Variants in SPAG16 observed in about 807,000 individuals in gnomAD.
SPAG16 encodes the protein sperm-associated antigen 16 protein.
Under a neutral mutation model 80.4 loss-of-function variants are expected in SPAG16, and 86 were observed. The ratio of observed to expected loss-of-function variants is 1.07; its 90% CI spans 0.90 to 1.28. The LOEUF is 1.28. Ranked by LOEUF, SPAG16 falls within the 50% of genes most tolerant of loss-of-function variation. SPAG16 has a pLI of 0.00. For synonymous variants in SPAG16, 294 were observed against 265.9 expected (o/e 1.11, Z -1.03); for missense variants, 870 against 765.3 (o/e 1.14, Z -1.61).
chr2:213,964,934 A>C (rs1431997963), intron 12 of SPAG16, among the ~76,000 whole-genome samples: 1 of 152,182 alleles, frequency 6.6e-6, no homozygotes, highest in Non-Finnish European at 1.5e-5. Context: ...GTTTTTATTT[A>C]TAATATCTCC....
chr2:213,918,271 T>C (rs371288177), intron 11 of SPAG16, among the ~76,000 whole-genome samples: 85 of 152,258 alleles, frequency 5.6e-4, no homozygotes, highest in African/African-American at 1.8e-3. Context: ...GTCAGGAAAA[T>C]AGTGGCCTCA....
At position 213,540,222 on chromosome 2, in the gene SPAG16, T is replaced by TC. The variant is rs543330947; in HGVS notation, c.1070+50132_1070+50133insC. ...GCTAATTTTTATTTTTTTATTTTTTTTGTATTTTTAGTAGAGACGGGGTTT... is the reference window on the plus strand; with the variant it reads ...GCTAATTTTTATTTTTTTATTTTTTTCTGTATTTTTAGTAGAGACGGGGTTT... On this transcript the variant is annotated intron_variant, in intron 10 of 15. Transcript: ENST00000331683. Among the ~76,000 whole-genome samples, 943 of 151,680 alleles carry TC rather than the reference T, an allele frequency of 6.2e-3. 19 individuals carry two copies. The highest frequency in any genetic ancestry group is 0.022 in the African/African-American group (891 of 41,374).
chr2:214,127,325 G>C (rs2054542838), intron 14 of SPAG16, among the ~76,000 whole-genome samples: 1 of 151,660 alleles, frequency 6.6e-6, no homozygotes, highest in Non-Finnish European at 1.5e-5. Flanking sequence ...TACTCTTCAG[G>C]GGGTCCAGTG....
chr2:214,374,178 A>G (rs1699987609), intron 15 of SPAG16, among the ~76,000 whole-genome samples: 1 of 152,234 alleles, frequency 6.6e-6, no homozygotes, highest in Non-Finnish European at 1.5e-5. Context: ...GGCAACTTGT[A>G]AACACTGCCT....
At chr2:213,679,329 AG>A (rs1434412625) in intron 10 of SPAG16, among the ~76,000 whole-genome samples, 1 of 152,216 alleles carries the variant, frequency 6.6e-6, no homozygotes, top group Non-Finnish European at 1.5e-5. Flanking sequence ...GGTATTTCCA[AG>A]AACCAGATAA....
intron 9 of SPAG16, among the ~76,000 whole-genome samples, chr2:213,464,515 A>C (rs897258632): frequency 2.0e-5 from 3 of 152,050 alleles, no homozygotes; most frequent in Non-Finnish European, 2.9e-5. Context: ...TACTTCTATC[A>C]CCTCAGAGAC....
At chr2:213,611,939 ATATTTTT>A (rs2061451012) in intron 10 of SPAG16, among the ~76,000 whole-genome samples, 1 of 152,208 alleles carries the variant, frequency 6.6e-6, no homozygotes, top group Admixed American at 6.5e-5. Flanking sequence ...TCCACAATCA[ATATTTTT>A]TATGGGTGGA....
At chr2:213,885,727 T>C (rs1356053684) in intron 11 of SPAG16, among the ~76,000 whole-genome samples, 1 of 152,172 alleles carries the variant, frequency 6.6e-6, no homozygotes, top group African/African-American at 2.4e-5. Context: ...CCTTCCATCA[T>C]TTACAACGTT....
intron 8 of SPAG16, among the ~76,000 whole-genome samples, chr2:213,371,956 G>C (rs543214977): frequency 1.1e-4 from 16 of 152,042 alleles, no homozygotes; most frequent in African/African-American, 3.1e-4. Flanking sequence ...CTTTATGGTA[G>C]GTCAAAAGTA....
intron 7 of SPAG16, among the ~76,000 whole-genome samples, chr2:213,362,025 A>G (rs1467245003): frequency 1.3e-5 from 2 of 152,130 alleles, no homozygotes; most frequent in African/African-American, 4.8e-5. Flanking sequence ...TGAATCTCCC[A>G]TCAGTACCAG....
At chr2:213,576,989 G>A (rs1180709249) in intron 10 of SPAG16, among the ~76,000 whole-genome samples, 1 of 152,024 alleles carries the variant, frequency 6.6e-6, no homozygotes, top group East Asian at 1.9e-4. Context: ...CTGAGGGTTT[G>A]TTGTACATAT....
intron 10 of SPAG16, among the ~76,000 whole-genome samples, chr2:213,850,246 T>C (rs2074833904): frequency 6.6e-6 from 1 of 152,196 alleles, no homozygotes; most frequent in African/African-American, 2.4e-5. Flanking sequence ...ATTGTGTGGA[T>C]TGTCGGAAAA....
chr2:214,023,593 G>T (rs908243355), intron 13 of SPAG16, among the ~76,000 whole-genome samples: 2 of 151,608 alleles, frequency 1.3e-5, no homozygotes, highest in African/African-American at 4.8e-5. Flanking sequence ...TAATCCAATT[G>T]TTTGAAAATT....
chr2:214,000,882 G>A (rs528499005), intron 12 of SPAG16, among the ~76,000 whole-genome samples: 3 of 151,936 alleles, frequency 2.0e-5, no homozygotes, highest in East Asian at 1.9e-4. Context: ...AAGCGTTTTC[G>A]CCTTCATTTC....
At chr2:214,400,176 C>G (rs754676869) in intron 15 of SPAG16, among the ~76,000 whole-genome samples, 6 of 152,022 alleles carry the variant, frequency 3.9e-5, no homozygotes, top group Non-Finnish European at 7.4e-5. Context: ...AAACTCCACA[C>G]AGGCCAAAAG....
intron 10 of SPAG16, among the ~76,000 whole-genome samples, chr2:213,654,879 A>T (rs1266941008): frequency 6.6e-6 from 1 of 152,246 alleles, no homozygotes; most frequent in Admixed American, 6.5e-5. Flanking sequence ...TAAAAATTTT[A>T]GCAGTTAAGG....
intron 10 of SPAG16, among the ~76,000 whole-genome samples, chr2:213,491,978 G>T (rs2074251665): frequency 6.6e-6 from 1 of 152,148 alleles, no homozygotes; most frequent in South Asian, 2.1e-4. Context: ...CGCAGTGGAA[G>T]ATTAAGTTGT....
rs547346523 is a variant in SPAG16, at chr2:213,566,827, C to G, written c.1070+76737C>G. Reference sequence around the variant, plus strand: ...AGCTCGCCTTTCCTGATTTAGTTGCCAGATTATATTGATATAGTTAATGGT... The same window carrying G: ...AGCTCGCCTTTCCTGATTTAGTTGCGAGATTATATTGATATAGTTAATGGT... On this transcript the variant is annotated intron_variant, in intron 10 of 15. Coordinates refer to ENST00000331683, the MANE Select transcript of SPAG16 (RefSeq NM_024532.5). Among the ~76,000 whole-genome samples, 4 of 152,138 alleles carry G rather than the reference C, an allele frequency of 2.6e-5. No individual in the cohort carries two copies. In the East Asian group the frequency reaches 7.7e-4, roughly 29 times the overall value.
intron 10 of SPAG16, among the ~76,000 whole-genome samples, chr2:213,673,891 A>C (rs973187084): frequency 4.6e-5 from 7 of 152,192 alleles, no homozygotes; most frequent in Non-Finnish European, 8.8e-5. Flanking sequence ...ATAATTGTGA[A>C]AGTGAAAAAA....
Sources: allele counts gnomAD v4.1 joint callset (sites outside exome capture counted in the v4.1 genomes callset), GRCh38; gene constraint gnomAD v4.1.1; transcripts MANE v1.5; gene names NCBI Gene and HGNC (gene_info 2026-07-23, HGNC 2026-07-21).